The following NAALADL2 variants were observed in gnomAD, a reference collection of about 807,000 sequenced individuals.
The protein encoded by NAALADL2 is N-acetylated alpha-linked acidic dipeptidase like 2, also known as inactive N-acetylated-alpha-linked acidic dipeptidase-like protein 2.
Under a neutral mutation model 87.2 loss-of-function variants are expected in NAALADL2, and 76 were observed. The ratio of observed to expected loss-of-function variants is 0.87; its 90% confidence interval spans 0.72 to 1.05. The LOEUF (loss-of-function observed/expected upper bound fraction) is 1.05. Ranked by LOEUF, NAALADL2 falls within the 50% of genes least tolerant of loss-of-function variation. NAALADL2 has a pLI of 0.00. For missense variants in NAALADL2, 1,089 were observed against 945.8 expected (o/e 1.15, Z -1.99); for synonymous variants, 354 against 331.0 (o/e 1.07, Z -0.75).
chr3:174,943,558 A>G (rs28817609), intron 1 of NAALADL2, among the ~76,000 whole-genome samples: 2 of 152,116 alleles, frequency 1.3e-5, no homozygotes, highest in Non-Finnish European at 1.5e-5. Flanking sequence ...TCCTTCCCCA[A>G]CTTTGTGGCA....
intron 1 of NAALADL2, chr3:175,059,697 C>T (rs75214367): frequency 0.1 from 32,429 of 309,050 alleles, 2,050 homozygotes; most frequent in East Asian, 0.21. Context: ...GCTGCTTCAC[C>T]TTCCTCCTCC....
chr3:175,077,594 T>C (rs1716854074), intron 1 of NAALADL2, among the ~76,000 whole-genome samples: 1 of 152,170 alleles, frequency 6.6e-6, no homozygotes, highest in African/African-American at 2.4e-5. Flanking sequence ...CTTTTTAATA[T>C]ATTTACCATT....
intron 3 of NAALADL2, among the ~76,000 whole-genome samples, chr3:174,783,349 C>A (rs1161626426): frequency 6.6e-6 from 1 of 152,062 alleles, no homozygotes; most frequent in Non-Finnish European, 1.5e-5. Context: ...CTGTTACAAG[C>A]GTATCCCGAT....
At chr3:175,362,001 G>T (rs1765072299) in intron 5 of NAALADL2, among the ~76,000 whole-genome samples, 1 of 148,046 alleles carries the variant, frequency 6.8e-6, no homozygotes, top group Non-Finnish European at 1.5e-5. Context: ...ATGGTTTTAG[G>T]TCTAACGTTT....
At chr3:174,584,045 T>C (rs1240179982) in intron 2 of NAALADL2, among the ~76,000 whole-genome samples, 1 of 152,208 alleles carries the variant, frequency 6.6e-6, no homozygotes, top group African/African-American at 2.4e-5. Context: ...AATAAAGTGA[T>C]AGTCCTTTAT....
At chr3:174,738,563 T>C (rs1578737609) in intron 3 of NAALADL2, among the ~76,000 whole-genome samples, 1 of 152,256 alleles carries the variant, frequency 6.6e-6, no homozygotes, top group Admixed American at 6.5e-5. Flanking sequence ...GTGCCTCTTA[T>C]GAAGCCATTA....
chr3:174,906,385 T>C (rs1187738865), intron 1 of NAALADL2, among the ~76,000 whole-genome samples: 1 of 152,114 alleles, frequency 6.6e-6, no homozygotes, highest in Admixed American at 6.6e-5. Context: ...CTCTGACTAA[T>C]AGAATACAGA....
intron 2 of NAALADL2, among the ~76,000 whole-genome samples, chr3:175,116,922 G>C (rs78067038): frequency 0.6 from 91,379 of 151,100 alleles, 28,117 homozygotes; most frequent in African/African-American, 0.74. Context: ...AGATATTGAA[G>C]AATGGATCAG....
chr3:174,819,204 A>G (rs1028597348), intron 3 of NAALADL2, among the ~76,000 whole-genome samples: 2 of 150,812 alleles, frequency 1.3e-5, no homozygotes, highest in Non-Finnish European at 3.0e-5. Flanking sequence ...AGCTGGGACC[A>G]AAGGCACATG....
intron 2 of NAALADL2, among the ~76,000 whole-genome samples, chr3:174,553,921 C>A (rs1361429682): frequency 6.6e-6 from 1 of 152,036 alleles, no homozygotes; most frequent in Non-Finnish European, 1.5e-5. Context: ...GTAATTCTAT[C>A]TTGAAGCATA....
chr3:175,401,198 A>G (rs556853287), intron 5 of NAALADL2, among the ~76,000 whole-genome samples: 109 of 152,238 alleles, frequency 7.2e-4, no homozygotes, highest in Non-Finnish European at 1.0e-3. Flanking sequence ...ATTTACAGCC[A>G]TAAACAGCCA....
chr3:175,787,876 T>C (rs541086467), intron 13 of NAALADL2, among the ~76,000 whole-genome samples: 4 of 152,152 alleles, frequency 2.6e-5, no homozygotes, highest in African/African-American at 4.8e-5. Flanking sequence ...ATAGTTACAA[T>C]AAGCTAAGGC....
At chr3:175,263,873 C>T (rs1394763179) in intron 4 of NAALADL2, among the ~76,000 whole-genome samples, 2 of 151,740 alleles carry the variant, frequency 1.3e-5, no homozygotes, top group East Asian at 1.9e-4. Context: ...AAATTTAAAA[C>T]AGTAAGCTCT....
intron 5 of NAALADL2, among the ~76,000 whole-genome samples, chr3:175,325,113 A>C (rs574974972): frequency 2.6e-5 from 4 of 152,304 alleles, no homozygotes; most frequent in Non-Finnish European, 4.4e-5. Context: ...TAACCCAAAA[A>C]ATTATGTAAT....
At chr3:175,026,920 C>G (rs1327607151) in intron 1 of NAALADL2, among the ~76,000 whole-genome samples, 1 of 152,050 alleles carries the variant, frequency 6.6e-6, no homozygotes, top group East Asian at 1.9e-4. Flanking sequence ...TTTCTGCAGG[C>G]TGAATTTGGC....
At chr3:175,462,144 C>G (rs1723237031) in intron 6 of NAALADL2, among the ~76,000 whole-genome samples, 1 of 152,068 alleles carries the variant, frequency 6.6e-6, no homozygotes, top group South Asian at 2.1e-4. Context: ...AAATGTTCCA[C>G]AGTAATGCAA....
chr3:175,090,478 G>C lies in NAALADL2; in HGVS notation c.44-6312G>C, dbSNP rs565945280. Among the ~76,000 whole-genome samples the C allele has an allele frequency of 1.2e-4, 19 of 152,074 alleles. No individual in the cohort carries two copies. In the South Asian group the frequency reaches 3.5e-3, roughly 28 times the overall value. On this transcript the variant is annotated intron_variant, in intron 1 of 13. Transcript: ENST00000454872. ...TGCAGTTGCACACAGGGCCCCAAAG[G>C]TTGGCCTACTCGGGGAACTAGCAGG...
intron 2 of NAALADL2, among the ~76,000 whole-genome samples, chr3:174,612,446 T>G (rs950760207): frequency 6.6e-6 from 1 of 152,182 alleles, no homozygotes; most frequent in Non-Finnish European, 1.5e-5. Context: ...GAAGACTATT[T>G]TCTAGATCCT....
chr3:175,077,986 T>C (rs1210869807), intron 1 of NAALADL2, among the ~76,000 whole-genome samples: 1 of 151,906 alleles, frequency 6.6e-6, no homozygotes, highest in Non-Finnish European at 1.5e-5. Flanking sequence ...ATGAGAATAA[T>C]GATCAAATGA....
Sources: allele counts gnomAD v4.1 joint callset (sites outside exome capture counted in the v4.1 genomes callset), GRCh38; gene constraint gnomAD v4.1.1; transcripts MANE v1.5; gene names NCBI Gene and HGNC (gene_info 2026-07-23, HGNC 2026-07-21).